The following PKHD1 variants were observed in gnomAD, a reference collection of about 807,000 sequenced individuals.
The protein encoded by PKHD1 is PKHD1 ciliary IPT domain containing fibrocystin/polyductin.
In PKHD1, 291 loss-of-function variants were observed where a neutral mutation model predicts 412.0. The observed-to-expected ratio is 0.71, with a 90% CI of 0.64 to 0.78. The LOEUF (loss-of-function observed/expected upper bound fraction) is 0.78, where lower values mean the gene tolerates loss of function less well. PKHD1 is among the 30% of genes least tolerant of loss of function. The probability of loss-of-function intolerance (pLI) is 0.00; values close to 1 mark genes in which losing one functional copy is unlikely to be tolerated. For missense variants in PKHD1, 4,825 were observed against 4,950.7 expected, an observed-to-expected ratio of 0.97 and a Z score of 0.76; for synonymous variants, 1,777 against 1,821.5, an observed-to-expected ratio of 0.98 and a Z score of 0.62.
Position 51,659,013 on chromosome 6 carries a change from C to T in PKHD1, c.11113G>A (p.Val3705Ile), listed in dbSNP as rs113697159. 1 of 1,613,200 alleles carries T rather than the reference C, an allele frequency of 6.2e-7. No homozygotes were observed. The highest frequency in any genetic ancestry group is 1.3e-5 in the African/African-American group (1 of 74,998). The part of the protein sequence containing the change: ...TAQQTGVLEN[V>I]LNMTIGALLV... The stretch of plus-strand genomic sequence containing the variant: ...AAGGCCCCGATAGTCATATTCAGAA[C>T]ATTCTCTAGTACCCCAGTCTGTTGA... Residue 3705 changes from valine to isoleucine, a missense_variant, in exon 61 of 67, where the codon GTT (valine) becomes ATT (isoleucine). Coordinates refer to ENST00000371117, the MANE Select transcript of PKHD1 (RefSeq NM_138694.4).
intron 60 of PKHD1, among the ~76,000 whole-genome samples, chr6:51,719,645 T>C (rs1040008903): frequency 1.3e-5 from 2 of 152,156 alleles, no homozygotes; most frequent in Non-Finnish European, 2.9e-5. Flanking sequence ...TTTTTATAAG[T>C]TGTAAATTAT....
chr6:51,898,248 G>C, intron 43 of PKHD1, among the ~76,000 whole-genome samples: 1 of 150,084 alleles, frequency 6.7e-6, no homozygotes, highest in Non-Finnish European at 1.5e-5. Context: ...TTCCAAAATT[G>C]ACCACATACT....
rs1030274355 is a variant in PKHD1, at chr6:51,615,961, C to A, written c.*3120G>T. 5 of 151,920 alleles carry A rather than the reference C, an allele frequency of 3.3e-5. No homozygotes were observed. Among genetic ancestry groups the A allele is most frequent in the Admixed American group, 3.3e-4 (5 of 15,234 alleles). The allele number at this position is 151,920 out of a possible 1,614,324, so 9.4% of individuals were successfully genotyped here. A position where few individuals can be genotyped will look rare whatever the true frequency, so the allele number is the denominator to read the frequency against. On this transcript the variant is annotated 3_prime_UTR_variant, in exon 67 of 67. Transcript: ENST00000371117. ...GTCCCTGCCCCCCAAAAAATGTCCCCCTCCCCAAACAAAAAGCATGGAGAA... is the reference window on the plus strand; with the variant it reads ...GTCCCTGCCCCCCAAAAAATGTCCCACTCCCCAAACAAAAAGCATGGAGAA...
intron 50 of PKHD1, among the ~76,000 whole-genome samples, chr6:51,845,718 G>A (rs1771031747): frequency 6.6e-6 from 1 of 152,054 alleles, no homozygotes; most frequent in Non-Finnish European, 1.5e-5. Context: ...ACACAGATGT[G>A]CATTTATACC....
chr6:52,031,161 G>T (rs1802979854), intron 29 of PKHD1, among the ~76,000 whole-genome samples: 1 of 152,186 alleles, frequency 6.6e-6, no homozygotes, highest in African/African-American at 2.4e-5. Flanking sequence ...TACCTTGAAA[G>T]AATTATTCCC....
intron 36 of PKHD1, among the ~76,000 whole-genome samples, chr6:51,957,350 T>C (rs1583560404): frequency 6.6e-6 from 1 of 152,110 alleles, no homozygotes; most frequent in Admixed American, 6.6e-5. Flanking sequence ...GTACTTCTTC[T>C]ATCTCATGGT....
chr6:52,046,135 C>A lies in PKHD1; in HGVS notation c.2461G>T (p.Ala821Ser), dbSNP rs1805780511. 1 of 1,613,606 alleles carries A rather than the reference C, an allele frequency of 6.2e-7. No individual in the cohort carries two copies. The highest frequency in any genetic ancestry group is 1.3e-5 in the African/African-American group (1 of 74,906). Residue 821 changes from alanine (A) to serine (S), a missense_variant, in exon 24 of 67, where the codon GCC becomes TCC. Physicochemically the swap from Ala to Ser is moderately conservative, Grantham distance 99. Coordinates refer to ENST00000371117, the MANE Select transcript of PKHD1 (RefSeq NM_138694.4). ...AGGTACCTGGATGTGAAGTCATCGGCATTATTCTGTAAGAGCTGGTGAAGG... is the reference window on the plus strand; with the variant it reads ...AGGTACCTGGATGTGAAGTCATCGGAATTATTCTGTAAGAGCTGGTGAAGG... ...HHLHQLLQNN[A>S]DDFTSRYLNA...
rs1766059290 is a variant in PKHD1, at chr6:51,616,296, TG to T, written c.*2784del. ...GTCCATCAATACAGAAAATCAGCAA[TG>T]GGAGGCAAGAAGAGATTCTTTGAAC... On this transcript the variant is annotated 3_prime_UTR_variant, in exon 67 of 67. Coordinates refer to ENST00000371117, the MANE Select transcript of PKHD1 (RefSeq NM_138694.4). 1 of 171,858 alleles carries T rather than the reference TG, an allele frequency of 5.8e-6. No individual in the cohort carries two copies. Among genetic ancestry groups the T allele is most frequent in the South Asian group, 2.0e-4 (1 of 4,994 alleles). The allele number at this position is 171,858 out of a possible 1,614,324, so 10.6% of individuals were successfully genotyped here. A position where few individuals can be genotyped will look rare whatever the true frequency, so the allele number is the denominator to read the frequency against.
chr6:51,626,938 GCTCAGACCATCCACAGTGGGT>G, intron 66 of PKHD1, 38 bp downstream of exon 66: 3 of 1,588,490 alleles, frequency 1.9e-6, no homozygotes, highest in Non-Finnish European at 2.6e-6. Flanking sequence ...GGAGAGGGAG[GCTCAGACCATCCACAGTGGGT>G]CTCTCCTGTG....
At position 51,912,368 on chromosome 6, in the gene PKHD1, C is replaced by T; in HGVS notation, c.6330G>A (p.Leu2110=). Residue 2110 remains leucine, a splice_region_variant and synonymous_variant, in exon 38 of 67, where the codon TTG becomes TTA. Coordinates refer to ENST00000371117, the MANE Select transcript of PKHD1 (RefSeq NM_138694.4). ...QDTDLYLKSP[L]RYSHNFTENW... ...TTAGCCAAGCTGACACTCAGTACCT[C>T]AAAGGTGACTTAAGATAGAGGTCTG... 6.2e-7 allele frequency: 1 copy of T among 1,603,350 alleles called. No homozygotes were observed.
intron 48 of PKHD1, among the ~76,000 whole-genome samples, chr6:51,865,016 A>G (rs1774825563): frequency 6.6e-6 from 1 of 152,130 alleles, no homozygotes; most frequent in Non-Finnish European, 1.5e-5. Flanking sequence ...GACCCTGGAG[A>G]AAAACTGTCA....
At chr6:52,004,687 G>C (rs954093641) in intron 35 of PKHD1, among the ~76,000 whole-genome samples, 5 of 152,134 alleles carry the variant, frequency 3.3e-5, no homozygotes, top group African/African-American at 1.2e-4. Context: ...CATTCAGTGG[G>C]TCTAGAGTAG....
At chr6:51,892,239 A>T (rs1342216419) in intron 43 of PKHD1, among the ~76,000 whole-genome samples, 1 of 152,312 alleles carries the variant, frequency 6.6e-6, no homozygotes, top group African/African-American at 2.4e-5. Context: ...ACCAAAAGTG[A>T]CTTTTGGATA....
At position 51,669,007 on chromosome 6, in the gene PKHD1, C is replaced by G. The variant is rs1194083337; in HGVS notation, c.10157-9038G>C. ...ATCAAGGATATTGGTCTAAAGTTCT[C>G]TTTTTCAGTTGTGTCTCTGCCCAGC... On this transcript the variant is annotated intron_variant, in intron 60 of 66. Coordinates refer to ENST00000371117, the MANE Select transcript of PKHD1 (RefSeq NM_138694.4). Among the ~76,000 whole-genome samples, 4 of 152,148 alleles carry G rather than the reference C, an allele frequency of 2.6e-5. No individual in the cohort carries two copies. The South Asian group carries it at 8.3e-4, about 32-fold the overall frequency.
In PKHD1 at chr6:51,659,942, G is replaced by A. The variant is rs1442300693; in HGVS notation, c.10184C>T (p.Thr3395Ile). Residue 3395 changes from threonine (T) to isoleucine (I), a missense_variant, in exon 61 of 67, where the codon ACA becomes ATA. By Grantham distance (89) the Thr-to-Ile change is moderately conservative. Transcript: ENST00000371117. ...AGTFREEQKCTYQFLMQGFIC... is the reference protein window; with the variant it reads ...AGTFREEQKCIYQFLMQGFIC... The stretch of plus-strand genomic sequence containing the variant: ...GAATCCTTGCATCAGAAATTGGTAT[G>A]TACATTTCTGTTCTTCTCTAAATGT... 6.2e-7 allele frequency: 1 copy of A among 1,608,116 alleles called. No homozygotes were observed. Among genetic ancestry groups the A allele is most frequent in the Admixed American group, 1.7e-5 (1 of 59,856 alleles).
chr6:51,673,032 T>C (rs1218668997), intron 60 of PKHD1, among the ~76,000 whole-genome samples: 2 of 152,198 alleles, frequency 1.3e-5, no homozygotes, highest in African/African-American at 4.8e-5. Context: ...GGCATTCTTC[T>C]AGAGAGGACT....
intron 35 of PKHD1, among the ~76,000 whole-genome samples, chr6:51,981,344 T>TC (rs1795185541): frequency 2.3e-5 from 1 of 42,712 alleles, no homozygotes; most frequent in African/African-American, 8.2e-5. Flanking sequence ...CCTCTCCCTC[T>TC]CCCTCTCCCT....
Position 51,934,481 on chromosome 6 carries a change from A to G in PKHD1, c.5909-159T>C, listed in dbSNP as rs138717883. Among the ~76,000 whole-genome samples the G allele has an allele frequency of 9.8e-5, 15 of 152,344 alleles. No individual in the cohort carries two copies. In the East Asian group the frequency reaches 2.7e-3, roughly 27 times the overall value. ...TTGTAGAAGCACAGTAGGGTAGACC[A>G]GACATTCAGGAGTGGAAGCACTATT... On this transcript the variant is annotated intron_variant, in intron 36 of 66. Transcript: ENST00000371117.
chr6:51,800,643 T>C (rs539412115), intron 52 of PKHD1, among the ~76,000 whole-genome samples: 2 of 152,350 alleles, frequency 1.3e-5, no homozygotes, highest in South Asian at 4.1e-4. Flanking sequence ...GACACTTGTC[T>C]AAATCCTGTA....
Sources: allele counts gnomAD v4.1 joint callset (sites outside exome capture counted in the v4.1 genomes callset), GRCh38; gene constraint gnomAD v4.1.1; transcripts MANE v1.5; gene names NCBI Gene and HGNC (gene_info 2026-07-23, HGNC 2026-07-21).